Variants in FAM184A observed in about 807,000 individuals in gnomAD.
The protein encoded by FAM184A is protein FAM184A.
FAM184A carries 99 observed loss-of-function variants against 143.8 expected under a neutral mutation model. That is an observed-to-expected ratio of 0.69 (90% CI 0.58 to 0.81). The LOEUF (loss-of-function observed/expected upper bound fraction) is 0.81, where lower values mean the gene tolerates loss of function less well. Ranked by LOEUF, FAM184A falls within the 40% of genes least tolerant of loss-of-function variation. FAM184A has a pLI of 0.00. For missense variants in FAM184A, 1,217 were observed against 1,310.5 expected, an observed-to-expected ratio of 0.93 and a Z score of 1.10; for synonymous variants, 427 against 446.4, an observed-to-expected ratio of 0.96 and a Z score of 0.55.
At chr6:118,986,977 C>T (rs1003982484) in intron 9 of FAM184A, among the ~76,000 whole-genome samples, 4 of 152,030 alleles carry the variant, frequency 2.6e-5, no homozygotes, top group Non-Finnish European at 5.9e-5. Flanking sequence ...AATGTATTTG[C>T]ATATTTTAAT....
At position 119,016,882 on chromosome 6, in the gene FAM184A, T is replaced by C; in HGVS notation, c.1395A>G (p.Gln465=). The C allele has an allele frequency of 1.2e-6, 2 of 1,613,984 alleles. No individual in the cohort carries two copies. Among genetic ancestry groups the C allele is most frequent in the Non-Finnish European group, 1.7e-6 (2 of 1,179,918 alleles). The change falls in exon 5 of 18, where the codon CAA becomes CAG. Residue 465 remains glutamine, a synonymous_variant. Transcript: ENST00000338891. ...GAGTCACCTCCTCTTCCAATCTACT[T>C]TGCAGGTTTTTAAGTTCCCTTTCAT... ...EYYERELKNL[Q]SRLEEEVTQL...
At chr6:119,098,095 G>A (rs1206994245) in intron 1 of FAM184A, among the ~76,000 whole-genome samples, 1 of 152,122 alleles carries the variant, frequency 6.6e-6, no homozygotes, top group Admixed American at 6.5e-5. Flanking sequence ...GGAGGGACCC[G>A]GTGAGAGATA....
intron 1 of FAM184A, among the ~76,000 whole-genome samples, chr6:119,089,228 G>A (rs1297160049): frequency 6.9e-6 from 1 of 144,906 alleles, no homozygotes; most frequent in East Asian, 2.0e-4. Context: ...TTTTGAGACA[G>A]AGTCTCACTC....
intron 1 of FAM184A, among the ~76,000 whole-genome samples, chr6:119,060,350 T>C (rs540991683): frequency 6.6e-6 from 1 of 152,292 alleles, no homozygotes; most frequent in South Asian, 2.1e-4. Context: ...TTGCCAGTTC[T>C]AGAAAGTGTA....
intron 1 of FAM184A, among the ~76,000 whole-genome samples, chr6:119,092,222 C>T (rs939097650): frequency 5.3e-5 from 8 of 152,166 alleles, no homozygotes; most frequent in African/African-American, 1.9e-4. Context: ...ACTGAAGCCT[C>T]GACCTTCCAG....
chr6:119,108,993 G>A (rs529759534), intron 1 of FAM184A, among the ~76,000 whole-genome samples: 1 of 150,768 alleles, frequency 6.6e-6, no homozygotes, highest in Non-Finnish European at 1.5e-5. Flanking sequence ...CCACAAACAA[G>A]CCAAACATCT....
chr6:119,056,430 C>T (rs1786977633), intron 1 of FAM184A, among the ~76,000 whole-genome samples: 1 of 152,128 alleles, frequency 6.6e-6, no homozygotes, highest in Non-Finnish European at 1.5e-5. Flanking sequence ...TTTCCCAAAA[C>T]AAACCTAGGG....
At chr6:119,127,055 G>GGTGGGTGGGACAGGCC (rs1789386702) in intron 1 of FAM184A, among the ~76,000 whole-genome samples, 2 of 152,160 alleles carry the variant, frequency 1.3e-5, no homozygotes, top group Non-Finnish European at 2.9e-5. Flanking sequence ...AGTGCAGGAT[G>GGTGGGTGGGACAGGCC]GTGGGTGGGA....
intron 14 of FAM184A, among the ~76,000 whole-genome samples, chr6:118,968,060 A>T (rs188540895): frequency 1.4e-4 from 21 of 152,310 alleles, no homozygotes; most frequent in African/African-American, 4.6e-4. Context: ...CCCTGGCTAA[A>T]GTTCTCAATT....
In FAM184A at chr6:119,024,810, T is replaced by G; in HGVS notation, c.163A>C (p.Ile55Leu). Reference sequence around the variant, plus strand: ...TCATTTTTAGTGTTTAAAGCATATATTACCTGCATGGTTTTGAATAAGAAG... The same window carrying G: ...TCATTTTTAGTGTTTAAAGCATATAGTACCTGCATGGTTTTGAATAAGAAG... ...SKKIAQLTKV[I>L]YALNTKNDEH... The change falls in exon 2 of 18, where the codon ATA (isoleucine) becomes CTA (leucine). Residue 55 changes from isoleucine (I) to leucine (L), a missense_variant. Ile to Leu is a conservative substitution (Grantham distance 5, BLOSUM62 2). Transcript: ENST00000338891. The G allele has an allele frequency of 6.3e-7, 1 of 1,588,876 alleles. No homozygotes were observed. The highest frequency in any genetic ancestry group is 8.5e-7 in the Non-Finnish European group (1 of 1,170,622).
chr6:119,111,606 A>G (rs1259287947), intron 1 of FAM184A, among the ~76,000 whole-genome samples: 2 of 152,240 alleles, frequency 1.3e-5, no homozygotes, highest in Admixed American at 6.5e-5. Context: ...TTATGTTACC[A>G]TGTAATAATA....
At chr6:119,081,685 G>A (rs913525440), upstream of FAM184A, among the ~76,000 whole-genome samples, 2 of 152,188 alleles carry the variant, frequency 1.3e-5, no homozygotes, top group Non-Finnish European at 2.9e-5. Context: ...CAGCAGATGG[G>A]GTAGCCAGAA....
chr6:119,097,818 G>A (rs575409017), intron 1 of FAM184A, among the ~76,000 whole-genome samples: 15 of 151,976 alleles, frequency 9.9e-5, no homozygotes, highest in African/African-American at 3.4e-4. Context: ...TTTTCTCCTC[G>A]AGGCAGGCCA....
At chr6:118,999,714 A>G (rs1784687203) in intron 9 of FAM184A, among the ~76,000 whole-genome samples, 1 of 152,168 alleles carries the variant, frequency 6.6e-6, no homozygotes, top group Non-Finnish European at 1.5e-5. Flanking sequence ...AGCTCTCTGA[A>G]AAGCAATGAC....
intron 1 of FAM184A, among the ~76,000 whole-genome samples, chr6:119,027,986 C>T (rs1174872280): frequency 3.3e-5 from 5 of 152,134 alleles, no homozygotes; most frequent in African/African-American, 1.2e-4. Flanking sequence ...CTGTGAGTGC[C>T]CCCCACTTCA....
intron 1 of FAM184A, among the ~76,000 whole-genome samples, chr6:119,097,981 A>G (rs1334328113): frequency 6.6e-6 from 1 of 152,130 alleles, no homozygotes; most frequent in Non-Finnish European, 1.5e-5. Context: ...CCGAACAACC[A>G]CACCGAGGTT....
chr6:119,130,895 C>A (rs1318055116), intron 1 of FAM184A, among the ~76,000 whole-genome samples: 1 of 148,558 alleles, frequency 6.7e-6, no homozygotes, highest in African/African-American at 2.5e-5. Flanking sequence ...TCTCGCTCTG[C>A]ACCTAGGCTA....
At chr6:119,025,102 G>A (rs1168924265) in intron 1 of FAM184A, among the ~76,000 whole-genome samples, 1 of 152,128 alleles carries the variant, frequency 6.6e-6, no homozygotes, top group Non-Finnish European at 1.5e-5. Context: ...CAGCAAAGAG[G>A]AAATGGACAA....
At chr6:119,148,183 G>A (rs1228878697) in intron 1 of FAM184A, among the ~76,000 whole-genome samples, 1 of 152,142 alleles carries the variant, frequency 6.6e-6, no homozygotes, top group Non-Finnish European at 1.5e-5. Context: ...TCGTGGCCAG[G>A]AGAGTGTCAG....
Sources: allele counts gnomAD v4.1 joint callset (sites outside exome capture counted in the v4.1 genomes callset), GRCh38; gene constraint gnomAD v4.1.1; transcripts MANE v1.5; gene names NCBI Gene and HGNC (gene_info 2026-07-23, HGNC 2026-07-21).